Variants in LRP5 observed in about 807,000 individuals in gnomAD.
LRP5 encodes LDL receptor related protein 5.
In LRP5, 62 loss-of-function variants were observed where a neutral mutation model predicts 154.1. The observed-to-expected ratio is 0.40, with a 90% CI of 0.33 to 0.50. LRP5 has a LOEUF of 0.50. LRP5 is among the 20% of genes least tolerant of loss of function. The pLI, the probability that LRP5 is intolerant of heterozygous loss-of-function variation, is 0.55. For synonymous variants in LRP5, 966 were observed against 1,011.5 expected (o/e 0.96, Z 0.85); for missense variants, 1,915 against 2,336.7 (o/e 0.82, Z 3.72).
intron 1 of LRP5, among the ~76,000 whole-genome samples, chr11:68,313,531 C>T (rs4988330): frequency 0.054 from 8,251 of 152,274 alleles, 282 homozygotes; most frequent in Middle Eastern, 0.088. Context: ...GGCGGGGGAA[C>T]TTTCTCTCCA....
At position 68,443,174 on chromosome 11, in the gene LRP5, T is replaced by A. The variant is rs543751041; in HGVS notation, c.4488+3258T>A. ...GTTAAGATCTTCATTTATATTTATT[T>A]TATCATGAATGATGTAAGCATCATT... On this transcript the variant is annotated intron_variant, in intron 21 of 22. Transcript: ENST00000294304. Among the ~76,000 whole-genome samples the A allele has an allele frequency of 7.2e-5, 11 of 152,132 alleles. No homozygotes were observed. In the South Asian group the frequency reaches 2.3e-3, roughly 32 times the overall value.
chr11:68,298,477 G>A, the LRP5 span, among the ~76,000 whole-genome samples: 1 of 152,102 alleles, frequency 6.6e-6, no homozygotes, highest in South Asian at 2.1e-4. Flanking sequence ...GCAGAGGGAG[G>A]GGAGGACCCC....
rs113442867 is a variant in LRP5, at chr11:68,449,010, C to G, written c.4788C>G (p.Thr1596=). 6.3e-6 allele frequency: 10 copies of G among 1,599,682 alleles called. No homozygotes were observed. Among genetic ancestry groups the G allele is most frequent in the Non-Finnish European group, 3.4e-6 (4 of 1,176,766 alleles). ...AEDSCPPSPA[T]ERSYFHLFPP... is the part of the protein sequence containing the mutation. ...ACAGCTGCCCGCCCTCGCCCGCCAC[C>G]GAGAGGAGCTACTTCCATCTCTTCC... The change falls in exon 23 of 23, where the codon ACC becomes ACG. Residue 1596 remains threonine (T), a synonymous_variant. Transcript: ENST00000294304.
At chr11:68,369,949 A>G (rs963853159) in intron 5 of LRP5, among the ~76,000 whole-genome samples, 1 of 152,102 alleles carries the variant, frequency 6.6e-6, no homozygotes. Flanking sequence ...TCCACTGTCC[A>G]TGCCCTTATC....
chr11:68,446,883 C>G lies in LRP5; in HGVS notation c.4586+350C>G, dbSNP rs890083995. On this transcript the variant is annotated intron_variant, in intron 22 of 22. Transcript: ENST00000294304. Reference sequence around the variant, plus strand: ...GTGTGTTTGAGTCCGGCTGTGGAAACCTAGCCATTGAGATGCCCCCTCTTG... The same window carrying G: ...GTGTGTTTGAGTCCGGCTGTGGAAAGCTAGCCATTGAGATGCCCCCTCTTG... The G allele has an allele frequency of 5.5e-5, 20 of 366,276 alleles. No individual in the cohort carries two copies. In the Admixed American group the frequency reaches 6.8e-4, roughly 12 times the overall value. 22.7% of individuals were successfully genotyped at this position (366,276 alleles called of 1,614,324 possible).
At chr11:68,390,645 G>A (rs1346436434) in intron 7 of LRP5, among the ~76,000 whole-genome samples, 10 of 151,724 alleles carry the variant, frequency 6.6e-5, no homozygotes, top group South Asian at 2.1e-4. Context: ...ACGCAGCCTC[G>A]CCCTGCCGCT....
At chr11:68,352,955 G>A (rs960293893) in intron 2 of LRP5, among the ~76,000 whole-genome samples, 1 of 151,884 alleles carries the variant, frequency 6.6e-6, no homozygotes, top group African/African-American at 2.4e-5. Context: ...CCAGTTGAGA[G>A]GTGCTAGGTG....
At chr11:68,445,347 G>T (rs925463768) in intron 21 of LRP5, among the ~76,000 whole-genome samples, 3 of 152,116 alleles carry the variant, frequency 2.0e-5, no homozygotes, top group Admixed American at 2.0e-4. Flanking sequence ...TGATCCGCCC[G>T]CCTCGGCCTC....
At chr11:68,412,420 G>A (rs1317985478) in intron 11 of LRP5, among the ~76,000 whole-genome samples, 1 of 152,084 alleles carries the variant, frequency 6.6e-6, no homozygotes, top group Non-Finnish European at 1.5e-5. Flanking sequence ...GCGGGCAGAT[G>A]ATTTGAGCCC....
intron 16 of LRP5, among the ~76,000 whole-genome samples, 174 bp from the exon 17 acceptor site, chr11:68,429,401 G>A (rs540596351): frequency 6.6e-6 from 1 of 152,304 alleles, no homozygotes; most frequent in South Asian, 2.1e-4. Flanking sequence ...TTCCGTGTCA[G>A]TAGGAAGACT....
rs528947020 is a variant in LRP5, at chr11:68,416,054, C to CA, written c.2828-264dup. ...TGGGCAACAGTGCGAGACTCCATCT[C>CA]AAAAAAAAAATAAATAAATAAAAGA... On this transcript the variant is annotated intron_variant, in intron 12 of 22. Coordinates refer to ENST00000294304, the MANE Select transcript of LRP5 (RefSeq NM_002335.4). 0.012 allele frequency among the ~76,000 whole-genome samples: 1,733 copies of CA among 146,532 alleles called. 14 individuals are homozygous for CA. Among genetic ancestry groups the CA allele is most frequent in the Non-Finnish European group, 0.017 (1,121 of 66,374 alleles).
chr11:68,328,613 G>A (rs1280069146), intron 1 of LRP5, among the ~76,000 whole-genome samples: 2 of 152,222 alleles, frequency 1.3e-5, no homozygotes, highest in Non-Finnish European at 2.9e-5. Flanking sequence ...ACTGTCGGGG[G>A]GTTTGGCAGC....
chr11:68,372,963 T>A (rs1455438105), intron 5 of LRP5, among the ~76,000 whole-genome samples: 1 of 149,954 alleles, frequency 6.7e-6, no homozygotes, highest in African/African-American at 2.5e-5. Flanking sequence ...ACATCCAGAG[T>A]CCCCAGCCCC....
At chr11:68,376,137 CTG>C (rs1375709254) in intron 5 of LRP5, among the ~76,000 whole-genome samples, 1 of 146,632 alleles carries the variant, frequency 6.8e-6, no homozygotes. Context: ...GTCCTGGGAG[CTG>C]TGTGAGGGGT....
intron 7 of LRP5, among the ~76,000 whole-genome samples, chr11:68,391,431 T>G (rs528476130): frequency 6.6e-6 from 1 of 152,318 alleles, no homozygotes; most frequent in South Asian, 2.1e-4. Flanking sequence ...GCTGCATCAG[T>G]CCTTGTTGAC....
chr11:68,422,513 C>T (rs953054204), intron 13 of LRP5, among the ~76,000 whole-genome samples: 11 of 152,174 alleles, frequency 7.2e-5, no homozygotes, highest in African/African-American at 2.4e-4. Flanking sequence ...TCTCCTCCTA[C>T]GTCAGCTCAG....
intron 5 of LRP5, among the ~76,000 whole-genome samples, chr11:68,383,450 G>A (rs1429701798): frequency 6.6e-6 from 1 of 152,222 alleles, no homozygotes; most frequent in African/African-American, 2.4e-5. Context: ...TGTTAAGCAG[G>A]GACCTTTCGT....
In LRP5 at chr11:68,427,192, G is replaced by A. The variant is rs183448526; in HGVS notation, c.3637+1005G>A. ...CCACATAAGGTCATGACGCCGTGCT[G>A]GGGACTGGGGTGGGAAATTACGGGG... is the stretch of plus-strand genomic sequence containing the variant. On this transcript the variant is annotated intron_variant, in intron 16 of 22. Transcript: ENST00000294304. Among the ~76,000 whole-genome samples the A allele has an allele frequency of 2.6e-5, 4 of 152,278 alleles. No individual in the cohort carries two copies. The East Asian group carries it at 7.7e-4, about 29-fold the overall frequency.
chr11:68,303,814 C>T, the LRP5 span, among the ~76,000 whole-genome samples: 1 of 152,198 alleles, frequency 6.6e-6, no homozygotes, highest in African/African-American at 2.4e-5. Context: ...AGCAGCAAAG[C>T]ATTCAAGATG....
Sources: allele counts gnomAD v4.1 joint callset (sites outside exome capture counted in the v4.1 genomes callset), GRCh38; gene constraint gnomAD v4.1.1; transcripts MANE v1.5; gene names NCBI Gene and HGNC (gene_info 2026-07-23, HGNC 2026-07-21).